Variants in ALPK3 observed in about 807,000 individuals in gnomAD.
ALPK3 encodes the protein alpha kinase 3.
In ALPK3, 102 loss-of-function variants were observed where a neutral mutation model predicts 140.0. The observed-to-expected ratio is 0.73, with a 90% CI of 0.62 to 0.86. The LOEUF is 0.86. Among genes scored for constraint, ALPK3 ranks in the 40% least tolerant of loss-of-function variants. The probability of loss-of-function intolerance (pLI) is 0.00; values close to 1 mark genes in which losing one functional copy is unlikely to be tolerated. For missense variants in ALPK3, 2,254 were observed against 2,208.2 expected, an observed-to-expected ratio of 1.02 and a Z score of -0.42; for synonymous variants, 938 against 898.5, an observed-to-expected ratio of 1.04 and a Z score of -0.79.
At position 84,859,246 on chromosome 15, in the gene ALPK3, C is replaced by T; in HGVS notation, c.3821C>T (p.Pro1274Leu). 6.2e-7 allele frequency: 1 copy of T among 1,614,072 alleles called. No individual in the cohort carries two copies. Among genetic ancestry groups the T allele is most frequent in the Non-Finnish European group, 8.5e-7 (1 of 1,179,998 alleles). Residue 1274 changes from proline (P) to leucine (L), a missense_variant, in exon 7 of 14, where the codon CCA (proline) becomes CTA (leucine). This residue lies in a region of ALPK3 where 2,088 missense variants were observed against 2,022.9 expected (regional missense o/e 1.03). Transcript: ENST00000258888. ...CTTGACTGGGCCCTGCTCTCAGCCC[C>T]ACAGGTGATCCGGAAGATTCGGGTG... is the stretch of plus-strand genomic sequence containing the variant. ...PRKAKDLLKA[P>L]QVIRKIRVEQ...
chr15:84,868,726 A>G lies in ALPK3; in HGVS notation c.*270A>G. 1 of 509,810 alleles carries G rather than the reference A, an allele frequency of 2.0e-6. No homozygotes were observed. 31.6% of individuals were successfully genotyped at this position (509,810 alleles called of 1,614,324 possible). A position where few individuals can be genotyped will look rare whatever the true frequency, so the allele number is the denominator to read the frequency against. ...CCCACCTCCAAGTGCCTGGCAACCT[A>G]GGCCCTCCTTGAAGTTTACACTTTG... On this transcript the variant is annotated 3_prime_UTR_variant, in exon 14 of 14. Transcript: ENST00000258888.
chr15:84,857,904 G>T lies in ALPK3; in HGVS notation c.3166G>T (p.Ala1056Ser), dbSNP rs1031462793. Residue 1056 changes from alanine (A) to serine (S), a missense_variant, in exon 6 of 14, where the codon GCT (alanine) becomes TCT (serine). Transcript: ENST00000258888. Reference sequence around the variant, plus strand: ...GGTGCAGGCTGGCCGCCAGGCCCTTGCTGCTGCCCGAGGCTCCTGGGGTCC... The same window carrying T: ...GGTGCAGGCTGGCCGCCAGGCCCTTTCTGCTGCCCGAGGCTCCTGGGGTCC... ...REVQAGRQAL[A>S]AARGSWGPGP... 6.2e-7 allele frequency: 1 copy of T among 1,611,704 alleles called. No homozygotes were observed. The highest frequency in any genetic ancestry group is 8.5e-7 in the Non-Finnish European group (1 of 1,179,356).
rs1403144024 is a variant in ALPK3 at position 84,867,316 on chromosome 15, G to C, written c.4724-1G>C. ...CAACTCCCAACTTTCTCTCTTTTCA[G>C]GGGTTGACTGGAAGATGACTGATGT... On this transcript the variant is annotated splice_acceptor_variant, in intron 12 of 13. Coordinates refer to ENST00000258888, the MANE Select transcript of ALPK3 (RefSeq NM_020778.5). LOFTEE classifies it high-confidence loss of function. 6.2e-7 allele frequency: 1 copy of C among 1,613,896 alleles called. No homozygotes were observed. Among genetic ancestry groups the C allele is most frequent in the Non-Finnish European group, 8.5e-7 (1 of 1,179,934 alleles).
Position 84,859,791 on chromosome 15 carries a change from G to A in ALPK3, c.3981G>A (p.Gly1327=). ...GEVGRSAGDE[G]PAALAIVQAS... ...CACTCTGCAGCGCAGGGGATGAGGG[G>A]CCGGCGGCCTTGGCCATCGTGCAGG... The change falls in exon 8 of 14, where the codon GGG becomes GGA. Residue 1327 remains glycine (G), a synonymous_variant. Coordinates refer to ENST00000258888, the MANE Select transcript of ALPK3 (RefSeq NM_020778.5). 6.2e-7 allele frequency: 1 copy of A among 1,612,712 alleles called. No homozygotes were observed. The highest frequency in any genetic ancestry group is 8.5e-7 in the Non-Finnish European group (1 of 1,179,864).
chr15:84,828,755 C>T (rs1346559365), intron 3 of ALPK3, among the ~76,000 whole-genome samples: 3 of 152,166 alleles, frequency 2.0e-5, no homozygotes, highest in Non-Finnish European at 4.4e-5. Flanking sequence ...TTACAAATCC[C>T]TATGAAGTAA....
In ALPK3 at chr15:84,840,731, C is replaced by G; in HGVS notation, c.1452C>G (p.Ala484=). 6.2e-7 allele frequency: 1 copy of G among 1,613,756 alleles called. No homozygotes were observed. The highest frequency in any genetic ancestry group is 8.5e-7 in the Non-Finnish European group (1 of 1,179,862). The change falls in exon 5 of 14, where the codon GCC becomes GCG. Residue 484 remains alanine (A), a synonymous_variant. Coordinates refer to ENST00000258888, the MANE Select transcript of ALPK3 (RefSeq NM_020778.5). Reference sequence around the variant, plus strand: ...GGCCTTTCAACAGAAAGAGATTTGCCCCTCCAAAGCCCAAAGGAGAGGCCA... The same window carrying G: ...GGCCTTTCAACAGAAAGAGATTTGCGCCTCCAAAGCCCAAAGGAGAGGCCA... ...PTRPFNRKRF[A]PPKPKGEATT...
At chr15:84,819,064 T>C (rs1398532954) in intron 1 of ALPK3, among the ~76,000 whole-genome samples, 1 of 151,724 alleles carries the variant, frequency 6.6e-6, no homozygotes, top group Non-Finnish European at 1.5e-5. Flanking sequence ...AAAGAGTGCC[T>C]TGAAAACCAG....
chr15:84,849,976 C>A (rs1290606580), intron 5 of ALPK3, among the ~76,000 whole-genome samples: 2 of 121,190 alleles, frequency 1.7e-5, no homozygotes, highest in Middle Eastern at 4.2e-3. Context: ...TCAATAATAT[C>A]AATAAACTTC....
intron 3 of ALPK3, among the ~76,000 whole-genome samples, chr15:84,828,706 G>A (rs1410268356): frequency 6.6e-6 from 1 of 152,198 alleles, no homozygotes; most frequent in East Asian, 1.9e-4. Flanking sequence ...GGCGTATGGT[G>A]AATTTCGCAA....
At position 84,855,622 on chromosome 15, in the gene ALPK3, C is replaced by T. The variant is rs181001466; in HGVS notation, c.1654-770C>T. Among the ~76,000 whole-genome samples, 13 of 152,244 alleles carry T rather than the reference C, an allele frequency of 8.5e-5. No individual in the cohort carries two copies. The East Asian group carries it at 1.9e-3, about 23-fold the overall frequency. On this transcript the variant is annotated intron_variant, in intron 5 of 13. Transcript: ENST00000258888. The stretch of plus-strand genomic sequence containing the variant: ...CATGGGATTTGGAGTGAGATACACC[C>T]GGCTGCGAATCTGAACTCTGCCACT...
rs140665587 is a variant in ALPK3, at chr15:84,859,796, C to T, written c.3986C>T (p.Ala1329Val). 1.5e-4 allele frequency: 244 copies of T among 1,612,802 alleles called. 1 individual carries two copies. The highest frequency in any genetic ancestry group is 2.0e-4 in the Non-Finnish European group (236 of 1,179,848). Residue 1329 changes from alanine to valine, a missense_variant, in exon 8 of 14, where the codon GCG (alanine) becomes GTG (valine). Around this residue, in one of 3 missense-constraint regions of ALPK3, gnomAD observed 2,088 missense variants for 2,022.9 expected, o/e 1.03. Coordinates refer to ENST00000258888, the MANE Select transcript of ALPK3 (RefSeq NM_020778.5). ...VGRSAGDEGP[A>V]ALAIVQASPV... is the part of the protein sequence containing the mutation. ...TGCAGCGCAGGGGATGAGGGGCCGG[C>T]GGCCTTGGCCATCGTGCAGGCCTCC...
chr15:84,872,029 A>G lies in ALPK3; in HGVS notation c.*3573A>G, dbSNP rs1964078613. On this transcript the variant is annotated 3_prime_UTR_variant, in exon 14 of 14. Coordinates refer to ENST00000258888, the MANE Select transcript of ALPK3 (RefSeq NM_020778.5). ...GTGTAGACAGGTGAAAACACTGGAC[A>G]GTGAGTGAGCTACCCACACACGACC... is the stretch of plus-strand genomic sequence containing the variant. 1 of 152,264 alleles carries G rather than the reference A, an allele frequency of 6.6e-6. No homozygotes were observed. The highest frequency in any genetic ancestry group is 6.5e-5 in the Admixed American group (1 of 15,282). 9.4% of individuals were successfully genotyped at this position (152,264 alleles called of 1,614,324 possible).
intron 5 of ALPK3, among the ~76,000 whole-genome samples, 159 bp from the exon 6 acceptor site, chr15:84,856,233 T>C (rs1963858105): frequency 6.6e-6 from 1 of 152,162 alleles, no homozygotes; most frequent in African/African-American, 2.4e-5. Flanking sequence ...ATTTGTCACA[T>C]GTCTTTGCCT....
chr15:84,826,725 C>T (rs1291629890), intron 2 of ALPK3, among the ~76,000 whole-genome samples: 4 of 152,018 alleles, frequency 2.6e-5, no homozygotes, highest in South Asian at 2.1e-4. Context: ...GGGGTGGATC[C>T]GTTTGTGGTT....
intron 12 of ALPK3, 59 bp from the exon 13 acceptor site, chr15:84,867,258 A>C: frequency 6.6e-7 from 1 of 1,511,364 alleles, no homozygotes; most frequent in Non-Finnish European, 9.0e-7. Flanking sequence ...CCTGCTGGAG[A>C]TGTGGGGGCT....
Position 84,857,242 on chromosome 15 carries a change from C to G in ALPK3, c.2504C>G (p.Pro835Arg). 4 of 1,613,984 alleles carry G rather than the reference C, an allele frequency of 2.5e-6. No individual in the cohort carries two copies. Among genetic ancestry groups the G allele is most frequent in the Non-Finnish European group, 3.4e-6 (4 of 1,179,930 alleles). Residue 835 changes from proline to arginine, a missense_variant, in exon 6 of 14, where the codon CCG becomes CGG. Pro to Arg is a moderately radical substitution (Grantham distance 103). Around this residue, in one of 3 missense-constraint regions of ALPK3, gnomAD observed 2,088 missense variants for 2,022.9 expected, o/e 1.03. Coordinates refer to ENST00000258888, the MANE Select transcript of ALPK3 (RefSeq NM_020778.5). ...GPVEAKQEDS[P>R]FQCPKEERPG... ...GTCGAGGCCAAGCAGGAGGACAGCCCGTTCCAGTGCCCCAAGGAGGAGCGG... is the reference window on the plus strand; with the variant it reads ...GTCGAGGCCAAGCAGGAGGACAGCCGGTTCCAGTGCCCCAAGGAGGAGCGG...
At chr15:84,821,433 AAAG>A (rs1445771459) in intron 1 of ALPK3, among the ~76,000 whole-genome samples, 3 of 152,206 alleles carry the variant, frequency 2.0e-5, no homozygotes, top group African/African-American at 4.8e-5. Flanking sequence ...GTCCAGACCC[AAAG>A]AAGAAGAAAT....
chr15:84,847,604 A>T (rs1596152140), intron 5 of ALPK3, among the ~76,000 whole-genome samples: 2 of 152,368 alleles, frequency 1.3e-5, no homozygotes, highest in South Asian at 4.1e-4. Context: ...AATGGAGGCC[A>T]AAAGGAAGTG....
In ALPK3 at chr15:84,858,040, G is replaced by A. The variant is rs201049076; in HGVS notation, c.3302G>A (p.Gly1101Asp). 600 of 1,570,272 alleles carry A rather than the reference G, an allele frequency of 3.8e-4. No homozygotes were observed. The highest frequency in any genetic ancestry group is 4.8e-4 in the Non-Finnish European group (557 of 1,160,368). ...GGAGAGGTTTCCCCTGAGGGGCCTG[G>A]CCTCCTGGGGGCCTCTCAGGAGAGC... The part of the protein sequence containing the change: ...GEGEVSPEGP[G>D]LLGASQESSM... The change falls in exon 6 of 14, where the codon GGC (glycine) becomes GAC (aspartate). Residue 1101 changes from glycine (G) to aspartate (D), a missense_variant. Physicochemically the swap from Gly to Asp is moderately conservative, Grantham distance 94. Around this residue, in one of 3 missense-constraint regions of ALPK3, gnomAD observed 2,088 missense variants for 2,022.9 expected, o/e 1.03. Coordinates refer to ENST00000258888, the MANE Select transcript of ALPK3 (RefSeq NM_020778.5).
Sources: allele counts gnomAD v4.1 joint callset (sites outside exome capture counted in the v4.1 genomes callset), GRCh38; gene constraint gnomAD v4.1.1; regional missense constraint gnomAD v4.1.1; transcripts MANE v1.5; gene names NCBI Gene and HGNC (gene_info 2026-07-23, HGNC 2026-07-21).